VPS41: variants seen among roughly 807,000 people sequenced by gnomAD.
The protein encoded by VPS41 is VPS41 subunit of HOPS complex, also known as vacuolar protein sorting-associated protein 41 homolog.
VPS41 carries 85 observed loss-of-function variants against 130.9 expected under a neutral mutation model. That is an observed-to-expected ratio of 0.65 (90% confidence interval 0.55 to 0.78). The LOEUF is 0.78. Among genes scored for constraint, VPS41 ranks in the 30% least tolerant of loss-of-function variants. VPS41 has a pLI of 0.00. For synonymous variants in VPS41, 335 were observed against 332.9 expected (o/e 1.01, Z -0.07); for missense variants, 874 against 1,018.7 (o/e 0.86, Z 1.93).
intron 7 of VPS41, among the ~76,000 whole-genome samples, chr7:38,815,964 A>G (rs1343791063): frequency 2.0e-5 from 3 of 151,926 alleles, no homozygotes; most frequent in African/African-American, 7.3e-5. Flanking sequence ...ACACACACAC[A>G]TCTATCCTAT....
At chr7:38,819,825 C>T (rs1785134450) in intron 6 of VPS41, among the ~76,000 whole-genome samples, 1 of 152,088 alleles carries the variant, frequency 6.6e-6, no homozygotes. Flanking sequence ...CATCAGTCTT[C>T]TCTTCTCACT....
chr7:38,778,647 T>C (rs1784302544), intron 10 of VPS41, among the ~76,000 whole-genome samples: 2 of 152,220 alleles, frequency 1.3e-5, no homozygotes, highest in African/African-American at 4.8e-5. Flanking sequence ...ACAGTTCCCT[T>C]ACCAGCAACT....
intron 19 of VPS41, 102 bp from the exon 20 acceptor site, chr7:38,755,038 T>G (rs1584376659): frequency 2.0e-6 from 2 of 1,016,864 alleles, no homozygotes; most frequent in Admixed American, 4.4e-5. Flanking sequence ...GGTGGAAGGC[T>G]TATTTTGTAT....
intron 4 of VPS41, among the ~76,000 whole-genome samples, chr7:38,860,571 T>C (rs1436122727): frequency 6.6e-6 from 1 of 152,160 alleles, no homozygotes; most frequent in East Asian, 1.9e-4. Context: ...ATTAAGTCTA[T>C]AAAATTAATC....
intron 5 of VPS41, among the ~76,000 whole-genome samples, chr7:38,824,789 C>T (rs1019241828): frequency 2.0e-4 from 30 of 152,056 alleles, no homozygotes; most frequent in African/African-American, 7.2e-4. Flanking sequence ...GATAAACTTC[C>T]TTCTGCCTTA....
intron 7 of VPS41, among the ~76,000 whole-genome samples, chr7:38,809,921 T>TA (rs5883662): frequency 5.8e-4 from 86 of 148,146 alleles, no homozygotes; most frequent in African/African-American, 1.7e-3. Flanking sequence ...GCTGGACAAT[T>TA]AAAAAAAAAA....
At position 38,774,150 on chromosome 7, in the gene VPS41, C is replaced by T. The variant is rs1411163029; in HGVS notation, c.977G>A (p.Gly326Asp). ...ATCTCTACATTCATTCTCCTGAAAG[C>T]CTCTGACTGTCAAAGCATCAGAAGA... Reference protein sequence around the residue: ...EISSDALTVRGFQENECRDYH... With the variant: ...EISSDALTVRDFQENECRDYH... Residue 326 changes from glycine (G) to aspartate (D), a missense_variant, in exon 12 of 29, where the codon GGC (glycine) becomes GAC (aspartate). Physicochemically the swap from Gly to Asp is moderately conservative, Grantham distance 94. Coordinates refer to ENST00000310301, the MANE Select transcript of VPS41 (RefSeq NM_014396.4). The T allele has an allele frequency of 3.7e-6, 6 of 1,608,596 alleles. 1 individual carries two copies. In the South Asian group the frequency reaches 6.6e-5, roughly 18 times the overall value.
chr7:38,855,538 T>C (rs894754722), intron 4 of VPS41, among the ~76,000 whole-genome samples: 8 of 152,094 alleles, frequency 5.3e-5, no homozygotes, highest in African/African-American at 1.7e-4. Context: ...CACTCACAGA[T>C]GAGGAACCAG....
chr7:38,834,331 C>T (rs1007637704), intron 4 of VPS41, among the ~76,000 whole-genome samples: 1 of 152,090 alleles, frequency 6.6e-6, no homozygotes, highest in African/African-American at 2.4e-5. Flanking sequence ...TATGTTTCCC[C>T]TGAGAGGTCT....
chr7:38,743,664 A>C, intron 23 of VPS41, 122 bp from the exon 24 acceptor site: 612 of 1,081,038 alleles, frequency 5.7e-4, no homozygotes, highest in Non-Finnish European at 6.6e-4. Context: ...CTATTTTCTC[A>C]TGTGACACCA....
At chr7:38,761,066 T>C (rs957943918) in intron 17 of VPS41, among the ~76,000 whole-genome samples, 1 of 152,118 alleles carries the variant, frequency 6.6e-6, no homozygotes, top group Non-Finnish European at 1.5e-5. Context: ...TTCAGAAATT[T>C]GGGAATGGAT....
intron 28 of VPS41, 105 bp from the exon 29 acceptor site, chr7:38,726,431 A>C (rs565880905): frequency 1.2e-6 from 1 of 809,244 alleles, no homozygotes; most frequent in East Asian, 2.7e-5. Flanking sequence ...GAGAGGAAGT[A>C]ATAGGATGGC....
intron 10 of VPS41, among the ~76,000 whole-genome samples, chr7:38,777,993 T>C (rs1008174427): frequency 6.6e-6 from 1 of 152,258 alleles, no homozygotes; most frequent in African/African-American, 2.4e-5. Context: ...TTGTCTCTGC[T>C]GACCTTTAAT....
rs1013673258 is a variant in VPS41 at position 38,817,200 on chromosome 7, T to C, written c.450+617A>G. Among the ~76,000 whole-genome samples, 19 of 152,088 alleles carry C rather than the reference T, an allele frequency of 1.2e-4. No homozygotes were observed. The East Asian group carries it at 3.5e-3, about 28-fold the overall frequency. On this transcript the variant is annotated intron_variant, in intron 7 of 28. Transcript: ENST00000310301. Reference sequence around the variant, plus strand: ...GGAAAAAAAAAATCAGTAGTTTAAGTGTGCTTTTGTTATTTTTAAATGCTG... The same window carrying C: ...GGAAAAAAAAAATCAGTAGTTTAAGCGTGCTTTTGTTATTTTTAAATGCTG...
At chr7:38,902,418 T>C (rs1007456925) in intron 1 of VPS41, among the ~76,000 whole-genome samples, 3 of 152,222 alleles carry the variant, frequency 2.0e-5, no homozygotes, top group African/African-American at 7.2e-5. Context: ...GGCAAATCAG[T>C]GGCCTGGGGT....
At position 38,881,032 on chromosome 7, in the gene VPS41, C is replaced by CA. The variant is rs576947344; in HGVS notation, c.61-11780dup. On this transcript the variant is annotated intron_variant, in intron 2 of 28. Coordinates refer to ENST00000310301, the MANE Select transcript of VPS41 (RefSeq NM_014396.4). ...AAAGTGTTAAGGAGACAAGGTCATT[C>CA]AATCAAATTATTTACTGTATTAGTT... Among the ~76,000 whole-genome samples the CA allele has an allele frequency of 3.3e-5, 5 of 152,280 alleles. No homozygotes were observed. The East Asian group carries it at 9.6e-4, about 29-fold the overall frequency.
At chr7:38,823,202 T>A (rs1785210545) in intron 5 of VPS41, among the ~76,000 whole-genome samples, 1 of 152,154 alleles carries the variant, frequency 6.6e-6, no homozygotes, top group Admixed American at 6.5e-5. Context: ...TAAGAAAGCT[T>A]GGGGTAACTA....
At position 38,804,616 on chromosome 7, in the gene VPS41, A is replaced by G. The variant is rs2116031837; in HGVS notation, c.451-7752T>C. On this transcript the variant is annotated intron_variant, in intron 7 of 28. Coordinates refer to ENST00000310301, the MANE Select transcript of VPS41 (RefSeq NM_014396.4). ...AGCTTCCATGAAAACAAAATAAGTT[A>G]AACAACGGACGTGCCATTTAGGAGC... 1.3e-5 allele frequency among the ~76,000 whole-genome samples: 2 copies of G among 152,354 alleles called. 1 individual carries two copies. Among genetic ancestry groups the G allele is most frequent in the South Asian group, 4.1e-4 (2 of 4,830 alleles).
At chr7:38,832,089 G>A (rs1785397156) in intron 4 of VPS41, among the ~76,000 whole-genome samples, 1 of 150,816 alleles carries the variant, frequency 6.6e-6, no homozygotes, top group Admixed American at 6.6e-5. Flanking sequence ...TAAGTCTATT[G>A]ACCAATTAAT....
Sources: allele counts gnomAD v4.1 joint callset (sites outside exome capture counted in the v4.1 genomes callset), GRCh38; gene constraint gnomAD v4.1.1; transcripts MANE v1.5; gene names NCBI Gene and HGNC (gene_info 2026-07-23, HGNC 2026-07-21).